The following APBB2 variants were observed in gnomAD, a reference collection of about 807,000 sequenced individuals.
The protein encoded by APBB2 is Fe65-like 1.
Under a neutral mutation model 82.5 loss-of-function variants are expected in APBB2, and 38 were observed. The ratio of observed to expected loss-of-function variants is 0.46; its 90% confidence interval spans 0.36 to 0.60. The LOEUF is 0.60. Ranked by LOEUF, APBB2 falls within the 20% of genes least tolerant of loss-of-function variation. The pLI is 0.00. For missense variants in APBB2, 772 were observed against 972.3 expected (o/e 0.79, Z 2.74); for synonymous variants, 341 against 368.2 (o/e 0.93, Z 0.85).
chr4:40,831,845 T>C (rs1026682209), intron 12 of APBB2, among the ~76,000 whole-genome samples: 12 of 152,256 alleles, frequency 7.9e-5, no homozygotes, highest in Admixed American at 2.0e-4. Flanking sequence ...GCAGCCGATG[T>C]TGGGTGTTCG....
At chr4:41,064,832 A>ACC (rs1731163344) in intron 4 of APBB2, among the ~76,000 whole-genome samples, 1 of 152,106 alleles carries the variant, frequency 6.6e-6, no homozygotes, top group Non-Finnish European at 1.5e-5. Context: ...ACAGAGACAT[A>ACC]CCCAGGGGAC....
At chr4:40,934,575 C>A in intron 9 of APBB2, 39 bp downstream of exon 9, 1 of 1,610,924 alleles carries the variant, frequency 6.2e-7, no homozygotes, top group Non-Finnish European at 8.5e-7. Context: ...CTGCACAAAG[C>A]CATACATTGA....
intron 1 of APBB2, among the ~76,000 whole-genome samples, chr4:41,191,733 G>A (rs748373661): frequency 1.8e-4 from 28 of 152,100 alleles, no homozygotes; most frequent in Non-Finnish European, 3.7e-4. Context: ...TGGATATGAC[G>A]CCAAAAGCCT....
At chr4:40,835,158 C>A (rs375260488) in intron 12 of APBB2, among the ~76,000 whole-genome samples, 11 of 151,900 alleles carry the variant, frequency 7.2e-5, no homozygotes, top group East Asian at 5.8e-4. Flanking sequence ...CGCCTGTAGT[C>A]CCAGCTACTC....
intron 3 of APBB2, among the ~76,000 whole-genome samples, chr4:41,066,245 G>C (rs969110540): frequency 1.3e-5 from 2 of 151,984 alleles, no homozygotes; most frequent in Non-Finnish European, 2.9e-5. Flanking sequence ...TGAAAAACCA[G>C]AACATTATCA....
Position 40,944,855 on chromosome 4 carries a change from T to A in APBB2, c.1044+10A>T, listed in dbSNP as rs759236732. 2.5e-6 allele frequency: 4 copies of A among 1,611,878 alleles called. No homozygotes were observed. Among genetic ancestry groups the A allele is most frequent in the Non-Finnish European group, 3.4e-6 (4 of 1,179,522 alleles). On this transcript the variant is annotated intron_variant, in intron 7 of 17. Coordinates refer to ENST00000508593, the MANE Select transcript of APBB2 (RefSeq NM_004307.2). ...TTCTACTAAGCTGGTAAAAAGACAC[T>A]CCGTTTTACCTCGTTCTCTGGGGTG...
At chr4:41,049,347 C>T (rs1475301692) in intron 4 of APBB2, among the ~76,000 whole-genome samples, 2 of 85,204 alleles carry the variant, frequency 2.3e-5, no homozygotes, top group Non-Finnish European at 2.4e-5. Context: ...CGTCTCCGAC[C>T]GGCAGCCGCC....
At chr4:41,026,190 G>A (rs375139803) in intron 5 of APBB2, among the ~76,000 whole-genome samples, 13 of 152,152 alleles carry the variant, frequency 8.5e-5, no homozygotes, top group African/African-American at 2.9e-4. Context: ...GGAGTGTGGA[G>A]GATGGGAGGA....
intron 11 of APBB2, among the ~76,000 whole-genome samples, chr4:40,891,472 T>A (rs1772003582): frequency 6.6e-6 from 1 of 152,220 alleles, no homozygotes; most frequent in African/African-American, 2.4e-5. Context: ...GGCTTCTCGG[T>A]AGGTCTTCAA....
chr4:40,880,110 G>T, intron 12 of APBB2: 13 of 985,406 alleles, frequency 1.3e-5, no homozygotes, highest in South Asian at 4.7e-5. Flanking sequence ...CGTCAGTGAT[G>T]ATCTCCAGTG....
intron 1 of APBB2, among the ~76,000 whole-genome samples, chr4:41,163,829 G>T (rs989616866): frequency 3.9e-5 from 6 of 152,244 alleles, no homozygotes; most frequent in African/African-American, 1.4e-4. Flanking sequence ...GAGAGAAAAA[G>T]AAATTCAAGT....
chr4:41,181,803 G>A (rs1006664306), intron 1 of APBB2, among the ~76,000 whole-genome samples: 14 of 151,890 alleles, frequency 9.2e-5, no homozygotes, highest in East Asian at 1.9e-4. Context: ...AAATTAGCCC[G>A]GCATGGTGGC....
chr4:40,973,414 T>G (rs1215987765), intron 6 of APBB2, among the ~76,000 whole-genome samples: 1 of 152,194 alleles, frequency 6.6e-6, no homozygotes, highest in African/African-American at 2.4e-5. Context: ...AATGAAAACC[T>G]GCCGCTGCCA....
chr4:41,042,512 A>G (rs1721916653), intron 4 of APBB2, among the ~76,000 whole-genome samples: 2 of 152,194 alleles, frequency 1.3e-5, no homozygotes, highest in Admixed American at 6.5e-5. Flanking sequence ...TGTTTTGGCC[A>G]ACTGGATGTT....
At chr4:41,048,704 G>C (rs941064485) in intron 4 of APBB2, among the ~76,000 whole-genome samples, 62 of 120,776 alleles carry the variant, frequency 5.1e-4, no homozygotes, top group Non-Finnish European at 8.8e-4. Flanking sequence ...CTCCTTCCAC[G>C]GTCTCCCTCT....
At chr4:41,054,538 G>C (rs2153860188) in intron 4 of APBB2, among the ~76,000 whole-genome samples, 1 of 152,248 alleles carries the variant, frequency 6.6e-6, no homozygotes, top group East Asian at 1.9e-4. Flanking sequence ...TCTTGGGAAG[G>C]AGAAAATCAT....
intron 10 of APBB2, among the ~76,000 whole-genome samples, chr4:40,901,729 C>T (rs747468838): frequency 4.6e-5 from 7 of 152,006 alleles, no homozygotes; most frequent in Non-Finnish European, 7.4e-5. Context: ...AGGCTGGTCT[C>T]GAACTCCTGA....
chr4:40,997,791 C>T (rs1297233374), intron 6 of APBB2, among the ~76,000 whole-genome samples: 1 of 152,100 alleles, frequency 6.6e-6, no homozygotes, highest in African/African-American at 2.4e-5. Context: ...ATTGTGTTCC[C>T]CAATGTAATA....
At chr4:40,896,077 T>C (rs1189284063) in intron 10 of APBB2, among the ~76,000 whole-genome samples, 1 of 152,104 alleles carries the variant, frequency 6.6e-6, no homozygotes, top group South Asian at 2.1e-4. Flanking sequence ...TTCTTTTTTT[T>C]TTTTTGAGAC....
Sources: gnomAD v4.1 joint callset for allele counts (sites outside exome capture counted in the v4.1 genomes callset) on GRCh38, gnomAD v4.1.1 for gene constraint, MANE v1.5 for transcripts, NCBI Gene and HGNC (gene_info 2026-07-23, HGNC 2026-07-21) for gene names.